Variants in SGCZ observed in about 807,000 individuals in gnomAD.
The protein encoded by SGCZ is zeta-sarcoglycan.
Under a neutral mutation model 41.3 loss-of-function variants are expected in SGCZ, and 40 were observed. The ratio of observed to expected loss-of-function variants is 0.97; its 90% CI spans 0.75 to 1.26. SGCZ has a LOEUF of 1.26. Among genes scored for constraint, SGCZ ranks in the 50% most tolerant of loss-of-function variants. The probability of loss-of-function intolerance (pLI) is 0.00; values close to 1 mark genes in which losing one functional copy is unlikely to be tolerated. For synonymous variants in SGCZ, 206 were observed against 137.5 expected (o/e 1.50, Z -3.49); for missense variants, 552 against 369.8 (o/e 1.49, Z -4.04).
At chr8:14,978,237 G>GA (rs1292032758) in intron 1 of SGCZ, among the ~76,000 whole-genome samples, 1 of 151,490 alleles carries the variant, frequency 6.6e-6, no homozygotes, top group Non-Finnish European at 1.5e-5. Flanking sequence ...GGAGGCTGAG[G>GA]GGGGTGGATC....
intron 1 of SGCZ, among the ~76,000 whole-genome samples, chr8:14,958,335 A>G (rs1800857999): frequency 6.6e-6 from 1 of 152,076 alleles, no homozygotes; most frequent in African/African-American, 2.4e-5. Context: ...AAAAACAGAA[A>G]CAAATGAAAT....
chr8:14,688,829 GT>G (rs1458060318), intron 1 of SGCZ, among the ~76,000 whole-genome samples: 3 of 152,120 alleles, frequency 2.0e-5, no homozygotes, highest in Non-Finnish European at 4.4e-5. Flanking sequence ...AGCTGTCCCT[GT>G]TTGCAGACGA....
At chr8:14,324,231 T>A in intron 2 of SGCZ, 27 bp from the exon 3 acceptor site, 1 of 1,519,040 alleles carries the variant, frequency 6.6e-7, no homozygotes, top group South Asian at 1.1e-5. Flanking sequence ...ATAGTTCACT[T>A]TTAGGTTAAT....
chr8:14,470,600 A>G (rs1479259825), intron 2 of SGCZ, among the ~76,000 whole-genome samples: 1 of 152,158 alleles, frequency 6.6e-6, no homozygotes, highest in Admixed American at 6.6e-5. Flanking sequence ...AATGATTTTT[A>G]TCCATTTATT....
At chr8:15,078,924 C>T (rs989027042) in intron 1 of SGCZ, among the ~76,000 whole-genome samples, 3 of 152,010 alleles carry the variant, frequency 2.0e-5, no homozygotes, top group African/African-American at 7.2e-5. Context: ...TTCCTTCCCC[C>T]TCAACTTTAT....
intron 1 of SGCZ, among the ~76,000 whole-genome samples, chr8:14,875,400 G>T (rs372677786): frequency 4.6e-5 from 7 of 152,124 alleles, no homozygotes; most frequent in African/African-American, 1.7e-4. Flanking sequence ...ATGAATTTTG[G>T]AGGGGACATA....
chr8:14,106,665 G>A (rs182020669), intron 6 of SGCZ, among the ~76,000 whole-genome samples: 21 of 152,158 alleles, frequency 1.4e-4, no homozygotes, highest in Non-Finnish European at 1.9e-4. Flanking sequence ...AATGTGAAGG[G>A]CTAAACAGCA....
chr8:14,346,768 G>A (rs1271674546), intron 2 of SGCZ, among the ~76,000 whole-genome samples: 2 of 151,914 alleles, frequency 1.3e-5, no homozygotes, highest in South Asian at 4.1e-4. Context: ...TGTAGTTAAT[G>A]TTTTAGAAAC....
intron 4 of SGCZ, among the ~76,000 whole-genome samples, chr8:14,234,651 C>T (rs947640533): frequency 1.3e-5 from 2 of 151,464 alleles, no homozygotes; most frequent in Non-Finnish European, 2.9e-5. Flanking sequence ...ATAACCAAGG[C>T]CATACACATA....
chr8:15,048,192 C>T (rs185562233), intron 1 of SGCZ, among the ~76,000 whole-genome samples: 1 of 152,000 alleles, frequency 6.6e-6, no homozygotes, highest in African/African-American at 2.4e-5. Context: ...ATTGATAGAA[C>T]TGTAAGTCAT....
chr8:14,971,616 T>C (rs950618227), intron 1 of SGCZ, among the ~76,000 whole-genome samples: 2 of 151,134 alleles, frequency 1.3e-5, no homozygotes, highest in African/African-American at 2.4e-5. Context: ...AAATCTCATG[T>C]GGTCATGAGG....
In SGCZ at chr8:14,168,279, C is replaced by T. The variant is rs765867927; in HGVS notation, c.425-3577G>A. ...TGGGCCAAATCAGTCAACCAACCAA[C>T]AACAAACTAAGTTTAAAACAAAACA... On this transcript the variant is annotated intron_variant, in intron 4 of 7. Transcript: ENST00000382080. 2.4e-4 allele frequency among the ~76,000 whole-genome samples: 36 copies of T among 151,734 alleles called. 1 individual carries two copies. The highest frequency in any genetic ancestry group is 8.8e-5 in the Non-Finnish European group (6 of 68,008).
rs182445951 is a variant in SGCZ, at chr8:15,007,674, G to A, written c.39+229911C>T. The stretch of plus-strand genomic sequence containing the variant: ...TAATTTCATTAAATGGAAAAAGAAC[G>A]CATTTAAATAAAAGGGAATTCTTAG... On this transcript the variant is annotated intron_variant, in intron 1 of 7. Coordinates refer to ENST00000382080, the MANE Select transcript of SGCZ (RefSeq NM_139167.4). Among the ~76,000 whole-genome samples, 511 of 152,242 alleles carry A rather than the reference G, an allele frequency of 3.4e-3. 6 individuals carry two copies. The highest frequency in any genetic ancestry group is 0.011 in the African/African-American group (475 of 41,548).
intron 5 of SGCZ, among the ~76,000 whole-genome samples, chr8:14,124,089 T>C (rs1006405175): frequency 6.6e-6 from 1 of 152,168 alleles, no homozygotes; most frequent in Non-Finnish European, 1.5e-5. Flanking sequence ...CACCTTGATA[T>C]CATCTTAGTG....
At chr8:15,129,509 C>T (rs1319446856) in intron 1 of SGCZ, among the ~76,000 whole-genome samples, 1 of 152,132 alleles carries the variant, frequency 6.6e-6, no homozygotes, top group African/African-American at 2.4e-5. Flanking sequence ...TCATCTCACA[C>T]ATCCACAATG....
At chr8:14,917,749 A>G (rs1362376111) in intron 1 of SGCZ, among the ~76,000 whole-genome samples, 1 of 152,074 alleles carries the variant, frequency 6.6e-6, no homozygotes, top group African/African-American at 2.4e-5. Flanking sequence ...TCCATTGTGT[A>G]TGCTTTCTGT....
chr8:14,535,130 T>C (rs546982833), intron 2 of SGCZ, among the ~76,000 whole-genome samples: 1 of 152,136 alleles, frequency 6.6e-6, no homozygotes, highest in Non-Finnish European at 1.5e-5. Flanking sequence ...TAAAGCAGTG[T>C]GAACATTTTG....
At chr8:15,191,668 C>T (rs574957745) in intron 1 of SGCZ, among the ~76,000 whole-genome samples, 33 of 152,082 alleles carry the variant, frequency 2.2e-4, no homozygotes, top group African/African-American at 7.5e-4. Flanking sequence ...AAATAACTAA[C>T]ATTTAGGAAA....
intron 1 of SGCZ, among the ~76,000 whole-genome samples, chr8:14,857,816 A>G (rs1272368110): frequency 6.6e-6 from 1 of 152,154 alleles, no homozygotes. Flanking sequence ...CAGTGAGCTG[A>G]GACTACCCCA....
Sources: gnomAD v4.1 joint callset for allele counts (sites outside exome capture counted in the v4.1 genomes callset) on GRCh38, gnomAD v4.1.1 for gene constraint, MANE v1.5 for transcripts, NCBI Gene and HGNC (gene_info 2026-07-23, HGNC 2026-07-21) for gene names.